The following DNAH14 variants were observed in gnomAD, a reference collection of about 807,000 sequenced individuals.
DNAH14 encodes the protein dynein axonemal heavy chain 14.
DNAH14 carries 478 observed loss-of-function variants against 520.9 expected under a neutral mutation model. The ratio of observed to expected loss-of-function variants is 0.92; its 90% confidence interval spans 0.85 to 0.99. The LOEUF (loss-of-function observed/expected upper bound fraction) is 0.99, where lower values mean the gene tolerates loss of function less well. Ranked by LOEUF, DNAH14 falls within the 50% of genes least tolerant of loss-of-function variation. DNAH14 has a pLI of 0.00. For missense variants in DNAH14, 4,831 were observed against 5,234.5 expected, an observed-to-expected ratio of 0.92 and a Z score of 2.38; for synonymous variants, 1,581 against 1,757.2, an observed-to-expected ratio of 0.90 and a Z score of 2.51.
chr1:225,070,396 G>A (rs2071417473), intron 17 of DNAH14, among the ~76,000 whole-genome samples: 1 of 152,116 alleles, frequency 6.6e-6, no homozygotes, highest in Admixed American at 6.5e-5. Context: ...AGAGATTCTG[G>A]TACATTGTAT....
At chr1:225,393,806 CT>C (rs375050737) in intron 84 of DNAH14, among the ~76,000 whole-genome samples, 2,334 of 120,974 alleles carry the variant, frequency 0.019, 53 homozygotes, top group African/African-American at 0.058. Flanking sequence ...AGTGATATAT[CT>C]TTTTTTGTTT....
At chr1:225,320,950 T>C (rs1233280897) in intron 61 of DNAH14, among the ~76,000 whole-genome samples, 1 of 152,204 alleles carries the variant, frequency 6.6e-6, no homozygotes, top group East Asian at 1.9e-4. Flanking sequence ...AGTATTATAT[T>C]CACATCGTAT....
intron 23 of DNAH14, among the ~76,000 whole-genome samples, chr1:225,102,187 A>G (rs1367159731): frequency 2.6e-5 from 4 of 151,928 alleles, no homozygotes; most frequent in Non-Finnish European, 4.4e-5. Flanking sequence ...GATGGTTTCC[A>G]GCTTCATCCA....
chr1:224,952,600 T>A, intron 1 of DNAH14, 70 bp from the exon 2 acceptor site: 1 of 856,660 alleles, frequency 1.2e-6, no homozygotes. Context: ...ATATGCCATT[T>A]TGAATACCAA....
intron 34 of DNAH14, 108 bp downstream of exon 34, chr1:225,153,934 A>G: frequency 1.3e-6 from 1 of 744,334 alleles, no homozygotes; most frequent in East Asian, 2.9e-5. Context: ...AGCCCCGCAG[A>G]CTGTCATAGT....
intron 12 of DNAH14, among the ~76,000 whole-genome samples, chr1:225,041,469 T>C (rs1376701254): frequency 1.3e-5 from 2 of 152,236 alleles, no homozygotes; most frequent in East Asian, 3.8e-4. Flanking sequence ...AGCTAAGAGA[T>C]TTCTTCACTA....
chr1:225,375,439 G>A (rs537412567), intron 78 of DNAH14, among the ~76,000 whole-genome samples: 2 of 152,326 alleles, frequency 1.3e-5, no homozygotes, highest in East Asian at 1.9e-4. Context: ...CATAAACTTT[G>A]ATGGGTGGGA....
intron 7 of DNAH14, among the ~76,000 whole-genome samples, chr1:224,972,692 C>T (rs2061572736): frequency 6.6e-6 from 1 of 152,084 alleles, no homozygotes; most frequent in African/African-American, 2.4e-5. Flanking sequence ...GTCTCGATCT[C>T]CTGACCTTGT....
At chr1:225,290,649 A>ATG (rs57401059) in intron 55 of DNAH14, among the ~76,000 whole-genome samples, 188 of 16,096 alleles carry the variant, frequency 0.012, 6 homozygotes, top group African/African-American at 0.052. Context: ...GTGTGTGTGT[A>ATG]TATATATATA....
At chr1:225,359,002 CT>C (rs2095462913) in intron 74 of DNAH14, among the ~76,000 whole-genome samples, 1 of 152,212 alleles carries the variant, frequency 6.6e-6, no homozygotes, top group South Asian at 2.1e-4. Flanking sequence ...AACCTACTTA[CT>C]TTTTAAATTA....
rs1178139755 is a variant in DNAH14 at position 225,058,344 on chromosome 1, G to A, written c.2424+6549G>A. Among the ~76,000 whole-genome samples the A allele has an allele frequency of 2.6e-5, 4 of 152,132 alleles. No homozygotes were observed. In the East Asian group the frequency reaches 7.7e-4, roughly 29 times the overall value. On this transcript the variant is annotated intron_variant, in intron 17 of 85. Coordinates refer to ENST00000682510, the MANE Select transcript of DNAH14 (RefSeq NM_001367479.1). ...GAAGTGTTGATAGTATTCTCTGATG[G>A]TAGTTTGTATTTCTGTGGGATTGGT...
chr1:225,186,357 A>G (rs1427920066), intron 37 of DNAH14, among the ~76,000 whole-genome samples: 1 of 151,848 alleles, frequency 6.6e-6, no homozygotes, highest in African/African-American at 2.4e-5. Context: ...ATTATAACTA[A>G]TAAGAGGTGA....
At chr1:225,075,281 C>G (rs571923933) in intron 17 of DNAH14, among the ~76,000 whole-genome samples, 3 of 152,088 alleles carry the variant, frequency 2.0e-5, no homozygotes, top group African/African-American at 7.2e-5. Flanking sequence ...ATTGTCCTTC[C>G]TTGCTTTTCT....
At chr1:225,314,187 A>G (rs1436090032) in intron 60 of DNAH14, among the ~76,000 whole-genome samples, 3 of 152,120 alleles carry the variant, frequency 2.0e-5, no homozygotes, top group African/African-American at 4.8e-5. Flanking sequence ...CTTTACCATT[A>G]TGTAATGCCC....
intron 66 of DNAH14, 127 bp from the exon 67 acceptor site, chr1:225,337,139 T>C (rs2095074312): frequency 1.2e-6 from 1 of 842,416 alleles, no homozygotes; most frequent in Non-Finnish European, 1.8e-6. Flanking sequence ...TTCATTTCCT[T>C]AGCATTTTTA....
intron 42 of DNAH14, among the ~76,000 whole-genome samples, chr1:225,235,856 G>A (rs929775344): frequency 6.6e-6 from 1 of 151,984 alleles, no homozygotes; most frequent in African/African-American, 2.4e-5. Context: ...CCAATGGTTG[G>A]TTGTATTTCT....
Position 225,360,805 on chromosome 1 carries a change from AC to A in DNAH14, c.11902del (p.Leu3968Ter). On this transcript the variant is annotated frameshift_variant, in exon 75 of 86. Transcript: ENST00000682510. LOFTEE classifies it high-confidence loss of function. ...AAGCTGAAGACCTCATTTTAAAGGC[AC>A]TAACAAAAACACAACAATGGGTCTT... The part of the protein sequence containing the change: ...AKAEDLILKA[L>X]TKTQQWVFLQ... 6.4e-7 allele frequency: 1 copy of A among 1,551,730 alleles called. No individual in the cohort carries two copies. Among genetic ancestry groups the A allele is most frequent in the Non-Finnish European group, 8.7e-7 (1 of 1,146,988 alleles).
At chr1:225,300,440 C>T (rs952070012) in intron 55 of DNAH14, among the ~76,000 whole-genome samples, 1 of 152,186 alleles carries the variant, frequency 6.6e-6, no homozygotes, top group Non-Finnish European at 1.5e-5. Context: ...AGTTTTAGGA[C>T]AGCCACAGTG....
chr1:225,175,612 T>C (rs1339597139), intron 36 of DNAH14, among the ~76,000 whole-genome samples: 3 of 151,954 alleles, frequency 2.0e-5, no homozygotes, highest in Non-Finnish European at 4.4e-5. Flanking sequence ...TTTGTATTTT[T>C]TACTCCCTAT....
Sources: allele counts gnomAD v4.1 joint callset (sites outside exome capture counted in the v4.1 genomes callset), GRCh38; gene constraint gnomAD v4.1.1; transcripts MANE v1.5; gene names NCBI Gene and HGNC (gene_info 2026-07-23, HGNC 2026-07-21).